Variants in ADARB2 observed in about 807,000 individuals in gnomAD.
ADARB2 encodes adenosine deaminase RNA specific B2 (inactive), also known as inactive double-stranded RNA-specific editase B2.
ADARB2 carries 25 observed loss-of-function variants against 62.2 expected under a neutral mutation model. The observed-to-expected ratio is 0.40, with a 90% CI of 0.29 to 0.56. ADARB2 has a LOEUF of 0.56. ADARB2 is among the 20% of genes least tolerant of loss of function. The pLI is 0.43. For synonymous variants in ADARB2, 572 were observed against 500.8 expected (o/e 1.14, Z -1.90); for missense variants, 1,071 against 1,077.4 (o/e 0.99, Z 0.08).
chr10:1,278,386 A>C (rs1375068030), intron 3 of ADARB2, among the ~76,000 whole-genome samples: 3 of 151,490 alleles, frequency 2.0e-5, no homozygotes, highest in African/African-American at 7.3e-5. Flanking sequence ...TGACCCAGGT[A>C]GTGAGCACAG....
intron 1 of ADARB2, among the ~76,000 whole-genome samples, chr10:1,659,439 C>T (rs1000486536): frequency 2.0e-5 from 3 of 152,234 alleles, no homozygotes; most frequent in South Asian, 2.1e-4. Context: ...AAAAACCAAA[C>T]TGACTAAAAC....
intron 1 of ADARB2, among the ~76,000 whole-genome samples, chr10:1,549,278 G>A (rs1832576293): frequency 6.6e-6 from 1 of 152,156 alleles, no homozygotes; most frequent in Non-Finnish European, 1.5e-5. Flanking sequence ...GGCTGAGTGT[G>A]TAAGTTGGAA....
rs536173563 is a variant in ADARB2, at chr10:1,737,258, C to T, written c.-108G>A. On this transcript the variant is annotated 5_prime_UTR_variant, in exon 1 of 10. Transcript: ENST00000381312. ...TGCTGCGAAGCTTGAGGTTGCAAAC[C>T]CGGGAGCGGCTCACTTTTCAGGACT... 107 of 1,134,602 alleles carry T rather than the reference C, an allele frequency of 9.4e-5. No individual in the cohort carries two copies. In the East Asian group the frequency reaches 2.3e-3, roughly 24 times the overall value. 70.3% of individuals were successfully genotyped at this position (1,134,602 alleles called of 1,614,324 possible).
intron 4 of ADARB2, among the ~76,000 whole-genome samples, chr10:1,260,460 G>C (rs1831125228): frequency 6.7e-6 from 1 of 149,818 alleles, no homozygotes; most frequent in Non-Finnish European, 1.5e-5. Flanking sequence ...AAAGTCTCAG[G>C]ATATAAAATC....
intron 3 of ADARB2, among the ~76,000 whole-genome samples, chr10:1,303,983 C>T (rs1451474817): frequency 1.3e-5 from 2 of 152,080 alleles, no homozygotes; most frequent in Non-Finnish European, 2.9e-5. Flanking sequence ...GCAAAATAAC[C>T]AGCTAACATC....
chr10:1,449,530 C>T (rs1296284451), intron 1 of ADARB2, among the ~76,000 whole-genome samples: 2 of 152,232 alleles, frequency 1.3e-5, no homozygotes, highest in Non-Finnish European at 2.9e-5. Flanking sequence ...ACCCTCTGCA[C>T]TAGCACATCA....
At chr10:1,183,650 G>C (rs1836710720) in intron 9 of ADARB2, among the ~76,000 whole-genome samples, 1 of 152,224 alleles carries the variant, frequency 6.6e-6, no homozygotes, top group African/African-American at 2.4e-5. Flanking sequence ...GCAGGGTTGG[G>C]GACAGAGGGG....
intron 1 of ADARB2, chr10:1,678,307 G>C (rs1038969925): frequency 2.5e-5 from 25 of 985,140 alleles, no homozygotes; most frequent in Non-Finnish European, 2.8e-5. Flanking sequence ...AGCATCCTCA[G>C]GGTGAGCGTC....
chr10:1,540,742 T>C (rs1439399704), intron 1 of ADARB2, among the ~76,000 whole-genome samples: 1 of 67,148 alleles, frequency 1.5e-5, no homozygotes, highest in African/African-American at 4.5e-5. Flanking sequence ...TCAGACGTAG[T>C]TCAGACCCTG....
At chr10:1,284,629 T>C (rs1014938455) in intron 3 of ADARB2, among the ~76,000 whole-genome samples, 4 of 152,186 alleles carry the variant, frequency 2.6e-5, no homozygotes, top group African/African-American at 7.2e-5. Context: ...GGAGATTTGG[T>C]AGCTCGGCCA....
intron 3 of ADARB2, among the ~76,000 whole-genome samples, chr10:1,343,704 C>T: frequency 6.6e-6 from 1 of 152,182 alleles, no homozygotes; most frequent in East Asian, 1.9e-4. Flanking sequence ...AAAGAAGAAC[C>T]AGATCATGTC....
intron 1 of ADARB2, among the ~76,000 whole-genome samples, chr10:1,434,718 C>A (rs944543321): frequency 1.3e-5 from 2 of 152,196 alleles, no homozygotes; most frequent in African/African-American, 4.8e-5. Flanking sequence ...CGTAAACTCA[C>A]TGAGGCTCCA....
chr10:1,554,026 G>C (rs750002349), intron 1 of ADARB2, among the ~76,000 whole-genome samples: 1 of 152,198 alleles, frequency 6.6e-6, no homozygotes, highest in Non-Finnish European at 1.5e-5. Flanking sequence ...GCTCAGCTCT[G>C]CTCCGTCCTC....
At chr10:1,200,483 T>A (rs1185532016) in intron 7 of ADARB2, 2 of 458,844 alleles carry the variant, frequency 4.4e-6, no homozygotes, top group African/African-American at 4.0e-5. Flanking sequence ...GAATCTGAAT[T>A]TTTCTTTATA....
At chr10:1,568,862 G>C (rs574863661) in intron 1 of ADARB2, among the ~76,000 whole-genome samples, 1 of 149,608 alleles carries the variant, frequency 6.7e-6, no homozygotes, top group East Asian at 2.0e-4. Context: ...AATGGACAAA[G>C]CACACACGGC....
chr10:1,211,044 C>T (rs1837143794), intron 7 of ADARB2, among the ~76,000 whole-genome samples: 1 of 152,134 alleles, frequency 6.6e-6, no homozygotes, highest in African/African-American at 2.4e-5. Context: ...GTGAGGGGTT[C>T]AAAACCCTTG....
chr10:1,452,185 C>A (rs1368370731), intron 1 of ADARB2, among the ~76,000 whole-genome samples: 1 of 152,148 alleles, frequency 6.6e-6, no homozygotes, highest in East Asian at 1.9e-4. Flanking sequence ...CAGCAGCTTT[C>A]CAGCTGCGGG....
rs573590479 is a variant in ADARB2, at chr10:1,427,339, C to T, written c.101-48179G>A. Among the ~76,000 whole-genome samples, 21 of 152,242 alleles carry T rather than the reference C, an allele frequency of 1.4e-4. No homozygotes were observed. In the East Asian group the frequency reaches 3.7e-3, roughly 27 times the overall value. ...TGCAAACCACATGTCTGGCAAAGGA[C>T]TTATGTCTAAAAAAATATAAAGAAC... On this transcript the variant is annotated intron_variant, in intron 1 of 9. Transcript: ENST00000381312.
At chr10:1,405,701 C>T (rs913528990) in intron 1 of ADARB2, among the ~76,000 whole-genome samples, 1 of 149,908 alleles carries the variant, frequency 6.7e-6, no homozygotes, top group African/African-American at 2.4e-5. Flanking sequence ...CACATCTTTA[C>T]AATGTATGTT....
Sources: allele counts gnomAD v4.1 joint callset (sites outside exome capture counted in the v4.1 genomes callset), GRCh38; gene constraint gnomAD v4.1.1; transcripts MANE v1.5; gene names NCBI Gene and HGNC (gene_info 2026-07-23, HGNC 2026-07-21).